The following SLC7A2 variants were observed in gnomAD, a reference collection of about 807,000 sequenced individuals.
SLC7A2 encodes cationic amino acid transporter 2.
Under a neutral mutation model 58.9 loss-of-function variants are expected in SLC7A2, and 48 were observed. The ratio of observed to expected loss-of-function variants is 0.82; its 90% CI spans 0.65 to 1.04. SLC7A2 has a LOEUF of 1.04. Among genes scored for constraint, SLC7A2 ranks in the 50% least tolerant of loss-of-function variants. The pLI, the probability that SLC7A2 is intolerant of heterozygous loss-of-function variation, is 0.00. For synonymous variants in SLC7A2, 363 were observed against 314.5 expected (o/e 1.15, Z -1.63); for missense variants, 1,029 against 818.8 (o/e 1.26, Z -3.13).
intron 8 of SLC7A2, 127 bp downstream of exon 8, chr8:17,554,826 G>A: frequency 6.9e-7 from 1 of 1,443,836 alleles, no homozygotes. Context: ...TTTTGTGAGT[G>A]TTTCCTATTT....
intron 2 of SLC7A2, among the ~76,000 whole-genome samples, chr8:17,507,407 T>A (rs1265012068): frequency 6.6e-6 from 1 of 151,930 alleles, no homozygotes; most frequent in Non-Finnish European, 1.5e-5. Context: ...GAGACGGGGG[T>A]CTCACTGTGT....
chr8:17,514,436 A>G (rs1003331621), intron 2 of SLC7A2, among the ~76,000 whole-genome samples: 1 of 152,228 alleles, frequency 6.6e-6, no homozygotes, highest in Non-Finnish European at 1.5e-5. Flanking sequence ...TGAGAATACA[A>G]TGGCATATAA....
intron 2 of SLC7A2, among the ~76,000 whole-genome samples, chr8:17,532,249 A>AAAC (rs1563454508): frequency 8.3e-6 from 1 of 120,500 alleles, no homozygotes; most frequent in Non-Finnish European, 1.8e-5. Context: ...AAAAAAAAAA[A>AAAC]AAAAAAAAAA....
In SLC7A2 at chr8:17,567,571, T is replaced by C. The variant is rs1246231463; in HGVS notation, c.*2425T>C. On this transcript the variant is annotated 3_prime_UTR_variant, in exon 13 of 13. Coordinates refer to ENST00000494857, the MANE Select transcript of SLC7A2 (RefSeq NM_001370338.1). ...ACATATGTTTGTATGAGTGTATATATATATCTGTGTGTGTGTATCTCTAAC... is the reference window on the plus strand; with the variant it reads ...ACATATGTTTGTATGAGTGTATATACATATCTGTGTGTGTGTATCTCTAAC... 2 of 152,634 alleles carry C rather than the reference T, an allele frequency of 1.3e-5. No homozygotes were observed. Among genetic ancestry groups the C allele is most frequent in the African/African-American group, 4.8e-5 (2 of 41,456 alleles). 9.5% of individuals were successfully genotyped at this position (152,634 alleles called of 1,614,324 possible).
At chr8:17,504,689 A>G (rs1385529176) in intron 2 of SLC7A2, among the ~76,000 whole-genome samples, 1 of 152,092 alleles carries the variant, frequency 6.6e-6, no homozygotes, top group African/African-American at 2.4e-5. Flanking sequence ...TAAAGGTCAT[A>G]CTCTTTTTAG....
rs146814893 is a variant in SLC7A2 at position 17,556,314 on chromosome 8, T to C, written c.1195+1615T>C. On this transcript the variant is annotated intron_variant, in intron 8 of 12. Coordinates refer to ENST00000494857, the MANE Select transcript of SLC7A2 (RefSeq NM_001370338.1). Reference sequence around the variant, plus strand: ...TTTCCGGTAAAATACTTGCCAGTAATGATGCAGAATTTTTAAAAGCTTATC... The same window carrying C: ...TTTCCGGTAAAATACTTGCCAGTAACGATGCAGAATTTTTAAAAGCTTATC... 3.9e-3 allele frequency among the ~76,000 whole-genome samples: 597 copies of C among 152,306 alleles called. 7 individuals carry two copies. Among genetic ancestry groups the C allele is most frequent in the African/African-American group, 0.014 (578 of 41,560 alleles).
chr8:17,500,954 T>TA (rs1243767953), intron 1 of SLC7A2, among the ~76,000 whole-genome samples: 1 of 152,180 alleles, frequency 6.6e-6, no homozygotes, highest in Non-Finnish European at 1.5e-5. Context: ...TGGAAACTGT[T>TA]ATATATCAGT....
intron 2 of SLC7A2, among the ~76,000 whole-genome samples, chr8:17,508,956 G>A (rs780580680): frequency 1.7e-4 from 26 of 151,970 alleles, no homozygotes; most frequent in African/African-American, 3.9e-4. Context: ...GATCGTTGCC[G>A]CCTTTTGGTG....
intron 2 of SLC7A2, among the ~76,000 whole-genome samples, chr8:17,533,686 C>T (rs767779647): frequency 6.6e-6 from 1 of 152,224 alleles, no homozygotes. Context: ...GGTCCATGCA[C>T]ATACTTCTGG....
chr8:17,542,839 C>T (rs1369938271), intron 2 of SLC7A2, among the ~76,000 whole-genome samples: 2 of 151,568 alleles, frequency 1.3e-5, no homozygotes, highest in Non-Finnish European at 2.9e-5. Context: ...CCTGTAACCC[C>T]GAGGTTGAGC....
chr8:17,554,301 A>G (rs2720590), intron 7 of SLC7A2, among the ~76,000 whole-genome samples: 104,761 of 151,990 alleles, frequency 0.69, 36,711 homozygotes, highest in East Asian at 0.93. Context: ...ATTACTTGCA[A>G]TATTGTTTTT....
chr8:17,520,862 A>G (rs1800987834), intron 2 of SLC7A2: 1 of 249,464 alleles, frequency 4.0e-6, no homozygotes, highest in Non-Finnish European at 6.4e-6. Flanking sequence ...CACAATACTG[A>G]AGAAAAAAGA....
Position 17,564,943 on chromosome 8 carries a change from C to G in SLC7A2, c.1781-7C>G. The G allele has an allele frequency of 6.4e-7, 1 of 1,566,190 alleles. No individual in the cohort carries two copies. The highest frequency in any genetic ancestry group is 1.2e-5 in the South Asian group (1 of 83,980). On this transcript the variant is annotated splice_region_variant and splice_polypyrimidine_tract_variant and intron_variant, in intron 12 of 12. Coordinates refer to ENST00000494857, the MANE Select transcript of SLC7A2 (RefSeq NM_001370338.1). The stretch of plus-strand genomic sequence containing the variant: ...AACATTGATTTTTTTTTTTCCTGCC[C>G]CAACAGGCTTCCTGATTTACTTTTC...
At position 17,563,228 on chromosome 8, in the gene SLC7A2, C is replaced by T. The variant is rs144237843; in HGVS notation, c.1672-375C>T. Among the ~76,000 whole-genome samples the T allele has an allele frequency of 2.7e-3, 406 of 152,240 alleles. 1 individual carries two copies. The highest frequency in any genetic ancestry group is 9.1e-3 in the African/African-American group (378 of 41,550). ...ACTATCCTGTCCCATTTGAGCTAAC[C>T]GTATACTGGCTTGGGTTTGAAGAGG... is the stretch of plus-strand genomic sequence containing the variant. On this transcript the variant is annotated intron_variant, in intron 11 of 12. Coordinates refer to ENST00000494857, the MANE Select transcript of SLC7A2 (RefSeq NM_001370338.1).
At chr8:17,550,276 C>A in intron 5 of SLC7A2, 25 bp from the exon 6 acceptor site, 1 of 1,608,502 alleles carries the variant, frequency 6.2e-7, no homozygotes, top group Non-Finnish European at 8.5e-7. Context: ...AAGTGACTTT[C>A]CAATGTGTTT....
intron 4 of SLC7A2, among the ~76,000 whole-genome samples, chr8:17,546,458 G>A (rs1479607854): frequency 6.6e-6 from 1 of 152,220 alleles, no homozygotes; most frequent in Non-Finnish European, 1.5e-5. Context: ...TACACGGGAA[G>A]TGTATGCTCT....
At chr8:17,554,502 C>T (rs544358202) in intron 7 of SLC7A2, 58 bp from the exon 8 acceptor site, 107 of 1,387,904 alleles carry the variant, frequency 7.7e-5, no homozygotes, top group Admixed American at 1.5e-4. Flanking sequence ...TATTTCCGTT[C>T]GGGGATGTAA....
At chr8:17,534,780 C>G (rs961864713) in intron 2 of SLC7A2, among the ~76,000 whole-genome samples, 1 of 150,808 alleles carries the variant, frequency 6.6e-6, no homozygotes, top group African/African-American at 2.4e-5. Flanking sequence ...TTTGTTGATT[C>G]TCTGTTATTT....
chr8:17,528,337 A>G (rs1801302416), intron 2 of SLC7A2, among the ~76,000 whole-genome samples: 2 of 152,172 alleles, frequency 1.3e-5, no homozygotes, highest in Non-Finnish European at 2.9e-5. Context: ...TGAGAGGTTC[A>G]TATTTTAAGC....
Sources: allele counts gnomAD v4.1 joint callset (sites outside exome capture counted in the v4.1 genomes callset), GRCh38; gene constraint gnomAD v4.1.1; transcripts MANE v1.5; gene names NCBI Gene and HGNC (gene_info 2026-07-23, HGNC 2026-07-21).